ROS1: variants seen among roughly 807,000 people sequenced by gnomAD.
ROS1 encodes the protein proto-oncogene tyrosine-protein kinase ROS.
Under a neutral mutation model 273.5 loss-of-function variants are expected in ROS1, and 263 were observed. That is an observed-to-expected ratio of 0.96 (90% CI 0.87 to 1.06). The LOEUF is 1.06. ROS1 is among the 50% of genes least tolerant of loss of function. The pLI is 0.00. For synonymous variants in ROS1, 1,008 were observed against 954.1 expected (o/e 1.06, Z -1.04); for missense variants, 2,833 against 2,751.1 (o/e 1.03, Z -0.67).
At chr6:117,404,245 G>A (rs199570212) in intron 6 of ROS1, 35 bp downstream of exon 6, 1 of 1,599,328 alleles carries the variant, frequency 6.3e-7, no homozygotes, top group East Asian at 2.2e-5. Context: ...ATTGGGAAGG[G>A]GTCTGGGTTG....
At chr6:117,381,874 G>A (rs901079714) in intron 17 of ROS1, among the ~76,000 whole-genome samples, 1 of 152,124 alleles carries the variant, frequency 6.6e-6, no homozygotes, top group Non-Finnish European at 1.5e-5. Flanking sequence ...CAGTGTATAA[G>A]CGTTTGGAGG....
At chr6:117,384,393 G>A (rs1772397437) in intron 16 of ROS1, among the ~76,000 whole-genome samples, 1 of 152,168 alleles carries the variant, frequency 6.6e-6, no homozygotes, top group Admixed American at 6.5e-5. Context: ...ATAAAAGAAT[G>A]AATTTTGTGT....
At chr6:117,351,765 C>G (rs1302025398) in intron 27 of ROS1, among the ~76,000 whole-genome samples, 1 of 152,140 alleles carries the variant, frequency 6.6e-6, no homozygotes. Context: ...TTTGCTCAGA[C>G]TTTTACTTGT....
At chr6:117,362,198 A>G (rs1334015806) in intron 22 of ROS1, among the ~76,000 whole-genome samples, 3 of 152,118 alleles carry the variant, frequency 2.0e-5, no homozygotes, top group African/African-American at 7.2e-5. Flanking sequence ...CCTTCACCCA[A>G]GCAATCCCCT....
chr6:117,423,777 G>C (rs1388603222), intron 1 of ROS1, among the ~76,000 whole-genome samples: 1 of 151,680 alleles, frequency 6.6e-6, no homozygotes, highest in Non-Finnish European at 1.5e-5. Flanking sequence ...CAGAGTAAAT[G>C]TCCATGTTTT....
intron 18 of ROS1, among the ~76,000 whole-genome samples, chr6:117,372,261 A>G (rs1780858003): frequency 6.6e-6 from 1 of 152,202 alleles, no homozygotes; most frequent in Non-Finnish European, 1.5e-5. Flanking sequence ...AGCAGACAAC[A>G]AAAAGAAAGA....
In ROS1 at chr6:117,288,349, A is replaced by G; in HGVS notation, c.*143T>C. The G allele has an allele frequency of 1.3e-6, 1 of 791,638 alleles. No individual in the cohort carries two copies. Among genetic ancestry groups the G allele is most frequent in the South Asian group, 1.9e-5 (1 of 52,972 alleles). The allele number at this position is 791,638 out of a possible 1,614,324, so 49.0% of individuals were successfully genotyped here. On this transcript the variant is annotated 3_prime_UTR_variant, in exon 44 of 44. Transcript: ENST00000368507. ...ACAACTGAAACCAAATGGCTCTCAGAACCAAGATTAGAAATCAGGAACGTT... is the reference window on the plus strand; with the variant it reads ...ACAACTGAAACCAAATGGCTCTCAGGACCAAGATTAGAAATCAGGAACGTT...
At position 117,332,844 on chromosome 6, in the gene ROS1, G is replaced by C. The variant is rs571464758; in HGVS notation, c.5231-3398C>G. 5.9e-5 allele frequency among the ~76,000 whole-genome samples: 9 copies of C among 152,242 alleles called. No individual in the cohort carries two copies. The East Asian group carries it at 1.4e-3, about 23-fold the overall frequency. On this transcript the variant is annotated intron_variant, in intron 32 of 43. Coordinates refer to ENST00000368507, the MANE Select transcript of ROS1 (RefSeq NM_001378902.1). The stretch of plus-strand genomic sequence containing the variant: ...GAATCTCTGGGACACAACTAAAGCA[G>C]TGTTAAGAGGAAAATTCATAGCACT...
rs138996273 is a variant in ROS1 at position 117,315,638 on chromosome 6, A to G, written c.6117+1505T>C. Among the ~76,000 whole-genome samples the G allele has an allele frequency of 6.6e-5, 10 of 152,242 alleles. No individual in the cohort carries two copies. The East Asian group carries it at 1.9e-3, about 29-fold the overall frequency. ...ACCAAGTGTGAGGGAAGAATAAAGGACGTTTTCTCAAAAATTAAAAAAAAG... is the reference window on the plus strand; with the variant it reads ...ACCAAGTGTGAGGGAAGAATAAAGGGCGTTTTCTCAAAAATTAAAAAAAAG... On this transcript the variant is annotated intron_variant, in intron 39 of 43. Transcript: ENST00000368507.
At chr6:117,396,082 A>C in intron 9 of ROS1, 106 bp downstream of exon 9, 1 of 629,330 alleles carries the variant, frequency 1.6e-6, no homozygotes, top group South Asian at 2.7e-5. Context: ...ATTTGGGCAG[A>C]AGAGGTGGGT....
chr6:117,397,006 A>G lies in ROS1; in HGVS notation c.715T>C (p.Leu239=), dbSNP rs1307708655. 1.9e-6 allele frequency: 3 copies of G among 1,613,910 alleles called. No individual in the cohort carries two copies. Among genetic ancestry groups the G allele is most frequent in the Non-Finnish European group, 2.5e-6 (3 of 1,179,930 alleles). Reference sequence around the variant, plus strand: ...TTTTGATTTTTGCTGATCAGCCTTAAGTTATAACCCAAAATAGGTCCACCT... The same window carrying G: ...TTTTGATTTTTGCTGATCAGCCTTAGGTTATAACCCAAAATAGGTCCACCT... ...FPGGPILGYN[L]RLISKNQKLD... The change falls in exon 8 of 44, where the codon TTA becomes CTA. Residue 239 remains leucine, a synonymous_variant. Coordinates refer to ENST00000368507, the MANE Select transcript of ROS1 (RefSeq NM_001378902.1).
intron 42 of ROS1, among the ~76,000 whole-genome samples, chr6:117,303,789 T>G (rs886423896): frequency 6.6e-6 from 1 of 152,172 alleles, no homozygotes. Context: ...AGATGAGAGA[T>G]AATGATGGTG....
Position 117,343,323 on chromosome 6 carries a change from G to A in ROS1, c.4506+737C>T, listed in dbSNP as rs138301644. ...GAATGAAAAATCACATACACTTTAT[G>A]GGAAAACATATAGTGTTTAACATCC... On this transcript the variant is annotated intron_variant, in intron 28 of 43. Coordinates refer to ENST00000368507, the MANE Select transcript of ROS1 (RefSeq NM_001378902.1). Among the ~76,000 whole-genome samples, 22 of 152,230 alleles carry A rather than the reference G, an allele frequency of 1.4e-4. No homozygotes were observed. In the East Asian group the frequency reaches 4.1e-3, roughly 28 times the overall value.
chr6:117,383,602 A>G (rs1318398599), intron 16 of ROS1, 94 bp from the exon 17 acceptor site: 3 of 983,672 alleles, frequency 3.0e-6, no homozygotes, highest in Non-Finnish European at 4.7e-6. Context: ...TGCTTGATTA[A>G]TCATTCATTC....
chr6:117,381,341 G>A (rs765916946), intron 17 of ROS1, among the ~76,000 whole-genome samples: 4 of 151,918 alleles, frequency 2.6e-5, no homozygotes, highest in Non-Finnish European at 4.4e-5. Flanking sequence ...CCTGAGTAGT[G>A]TAAAAATGTA....
rs991660668 is a variant in ROS1 at position 117,326,308 on chromosome 6, T to C, written c.5455A>G (p.Ile1819Val). The stretch of plus-strand genomic sequence containing the variant: ...GCAGCTACTACTCTGAACTGAAATA[T>C]TCCTTTCAGGTTTTTGGACTTCCAT... ...CTWKSKNLKG[I>V]FQFRVVAANN... Residue 1819 changes from isoleucine (I) to valine (V), a missense_variant, in exon 34 of 44, where the codon ATA becomes GTA. Transcript: ENST00000368507. The C allele has an allele frequency of 9.4e-6, 15 of 1,602,960 alleles. No homozygotes were observed. The highest frequency in any genetic ancestry group is 1.3e-5 in the Non-Finnish European group (15 of 1,175,184).
chr6:117,353,077 T>TCTTTGCCTGATA lies in ROS1; in HGVS notation c.4204_4215dup (p.Tyr1402_Lys1405dup), dbSNP rs1362269589. ...TGGGAAACGATGGCCCCATTTCCTT[T>TCTTTGCCTGATA]CTTTGCCTGATAAATCTGTGTGCTG... On this transcript the variant is annotated inframe_insertion, in exon 27 of 44. Coordinates refer to ENST00000368507, the MANE Select transcript of ROS1 (RefSeq NM_001378902.1). The TCTTTGCCTGATA allele has an allele frequency of 6.2e-7, 1 of 1,614,174 alleles. No individual in the cohort carries two copies. The highest frequency in any genetic ancestry group is 2.2e-5 in the East Asian group (1 of 44,878).
chr6:117,394,225 T>A lies in ROS1; in HGVS notation c.1128A>T (p.Gly376=). ...AATCTATGGAGATAGAAGAAATTAATCCTGAACCTCTGTAAAAAATTCTCA... is the reference window on the plus strand; with the variant it reads ...AATCTATGGAGATAGAAGAAATTAAACCTGAACCTCTGTAAAAAATTCTCA... The part of the protein sequence containing the change: ...SDLRIFYRGS[G]LISSISIDWL... Residue 376 remains glycine, a synonymous_variant, in exon 11 of 44, where the codon GGA becomes GGT. Transcript: ENST00000368507. 6.2e-7 allele frequency: 1 copy of A among 1,609,184 alleles called. No individual in the cohort carries two copies. The highest frequency in any genetic ancestry group is 8.5e-7 in the Non-Finnish European group (1 of 1,178,062).
In ROS1 at chr6:117,329,325, A is replaced by G. The variant is rs374680663; in HGVS notation, c.5348+4T>C. On this transcript the variant is annotated splice_donor_region_variant and intron_variant, in intron 33 of 43. Coordinates refer to ENST00000368507, the MANE Select transcript of ROS1 (RefSeq NM_001378902.1). ...ATTTACAAGTACTTTGCAAACACAC[A>G]TACCTTATCTCAAGGATATAGTATG... 13 of 1,331,858 alleles carry G rather than the reference A, an allele frequency of 9.8e-6. No individual in the cohort carries two copies. The African/African-American group carries it at 1.9e-4, about 19-fold the overall frequency. 82.5% of individuals were successfully genotyped at this position (1,331,858 alleles called of 1,614,324 possible).
Sources: allele counts gnomAD v4.1 joint callset (sites outside exome capture counted in the v4.1 genomes callset), GRCh38; gene constraint gnomAD v4.1.1; transcripts MANE v1.5; gene names NCBI Gene and HGNC (gene_info 2026-07-23, HGNC 2026-07-21).